PLSCR5: variants seen among roughly 807,000 people sequenced by gnomAD.
PLSCR5 encodes phospholipid scramblase family, member 5.
PLSCR5 carries 44 observed loss-of-function variants against 33.6 expected under a neutral mutation model. The observed-to-expected ratio is 1.31, with a 90% CI of 1.03 to 1.69. The LOEUF is 1.69. Among genes scored for constraint, PLSCR5 ranks in the 40% most tolerant of loss-of-function variants. The pLI is 0.00. For synonymous variants in PLSCR5, 148 were observed against 112.3 expected, an observed-to-expected ratio of 1.32 and a Z score of -2.01; for missense variants, 375 against 318.7, an observed-to-expected ratio of 1.18 and a Z score of -1.34.
At chr3:146,600,221 C>G (rs1162341794) in intron 2 of PLSCR5, 67 bp downstream of exon 2, 3 of 1,180,536 alleles carry the variant, frequency 2.5e-6, no homozygotes, top group African/African-American at 3.2e-5. Context: ...GATTGAAAAG[C>G]CAGAAAGAAA....
downstream of PLSCR5, among the ~76,000 whole-genome samples, chr3:146,583,280 C>T (rs140768134): frequency 0.012 from 1,804 of 152,222 alleles, 33 homozygotes; most frequent in African/African-American, 0.041. Context: ...AGAGAAGGGT[C>T]TACTTATTGG....
intron 7 of PLSCR5, among the ~76,000 whole-genome samples, chr3:146,580,038 GTTAT>G (rs1296311648): frequency 1.3e-5 from 2 of 152,170 alleles, no homozygotes; most frequent in Non-Finnish European, 2.9e-5. Flanking sequence ...CAACTCATGC[GTTAT>G]TTGTTAGCTA....
intron 7 of PLSCR5, among the ~76,000 whole-genome samples, chr3:146,576,959 G>A (rs1390036081): frequency 6.6e-6 from 1 of 151,846 alleles, no homozygotes; most frequent in Non-Finnish European, 1.5e-5. Context: ...AATTGTTTAT[G>A]ACACTGGTTG....
At chr3:146,580,462 T>G (rs1440309435) in intron 7 of PLSCR5, among the ~76,000 whole-genome samples, 1 of 123,960 alleles carries the variant, frequency 8.1e-6, no homozygotes, top group Admixed American at 7.8e-5. Context: ...TGCTTTTTTT[T>G]TTTTTTTTTT....
At chr3:146,595,115 G>T in intron 2 of PLSCR5, 32 bp from the exon 3 acceptor site, 2 of 1,299,480 alleles carry the variant, frequency 1.5e-6, no homozygotes, top group South Asian at 4.3e-5. Flanking sequence ...GAAATAAAAA[G>T]TATTAACATC....
chr3:146,594,903 C>A (rs1364690777), intron 3 of PLSCR5, 138 bp downstream of exon 3: 4 of 412,994 alleles, frequency 9.7e-6, no homozygotes, highest in Non-Finnish European at 1.7e-5. Context: ...GAAAAAAGAC[C>A]TAGTACTCTT....
At chr3:146,597,525 A>G (rs2044771451) in intron 2 of PLSCR5, among the ~76,000 whole-genome samples, 1 of 152,096 alleles carries the variant, frequency 6.6e-6, no homozygotes, top group Non-Finnish European at 1.5e-5. Context: ...TACCCTCCCC[A>G]TCCTCTGTAA....
In PLSCR5 at chr3:146,605,209, C is replaced by A. The variant is rs1475865385; in HGVS notation, c.4G>T (p.Ala2Ser). The change falls in exon 1 of 8, where the codon GCC (alanine) becomes TCC (serine). Residue 2 changes from alanine to serine, a missense_variant. Transcript: ENST00000443512. ...TTATATTTACTCTTACCTTTAGAGGCCATGAAGATGTCTGAGTCACTTCTT... is the reference window on the plus strand; with the variant it reads ...TTATATTTACTCTTACCTTTAGAGGACATGAAGATGTCTGAGTCACTTCTT... M[A>S]SKDAQNQRRG... 6.2e-7 allele frequency: 1 copy of A among 1,610,964 alleles called. No homozygotes were observed. Among genetic ancestry groups the A allele is most frequent in the Non-Finnish European group, 8.5e-7 (1 of 1,177,980 alleles).
intron 6 of PLSCR5, among the ~76,000 whole-genome samples, chr3:146,588,487 A>T (rs953993110): frequency 2.6e-5 from 4 of 152,070 alleles, no homozygotes; most frequent in African/African-American, 9.7e-5. Flanking sequence ...TAGAACAAAA[A>T]ATAAAACAAA....
intron 4 of PLSCR5, 117 bp from the exon 5 acceptor site, chr3:146,591,998 C>A: frequency 2.2e-6 from 2 of 924,448 alleles, no homozygotes; most frequent in South Asian, 4.3e-5. Context: ...TGATATTCTA[C>A]AAATCATTCT....
At chr3:146,593,846 C>T in intron 4 of PLSCR5, 74 bp downstream of exon 4, 1 of 1,398,202 alleles carries the variant, frequency 7.2e-7, no homozygotes, top group Non-Finnish European at 1.0e-6. Context: ...CCTCATTGCT[C>T]CAGATGAATT....
chr3:146,587,275 C>T (rs181401825), intron 6 of PLSCR5, among the ~76,000 whole-genome samples: 40 of 152,222 alleles, frequency 2.6e-4, no homozygotes, highest in Middle Eastern at 6.8e-3. Context: ...TACATCTCAT[C>T]AATCTCTCAA....
chr3:146,604,648 G>A (rs2044848824), intron 1 of PLSCR5, among the ~76,000 whole-genome samples: 1 of 152,000 alleles, frequency 6.6e-6, no homozygotes, highest in Admixed American at 6.6e-5. Context: ...TAACTGGATT[G>A]TCTGTAACTC....
At chr3:146,586,501 G>A (rs765855912) in intron 6 of PLSCR5, among the ~76,000 whole-genome samples, 1 of 152,180 alleles carries the variant, frequency 6.6e-6, no homozygotes, top group Admixed American at 6.5e-5. Context: ...ACTTTTGGGT[G>A]ATAAACCCTT....
intron 7 of PLSCR5, among the ~76,000 whole-genome samples, chr3:146,579,883 C>CT (rs1434855303): frequency 1.3e-5 from 2 of 152,170 alleles, no homozygotes; most frequent in Non-Finnish European, 2.9e-5. Context: ...ACATTCTGAT[C>CT]TTATGCAACC....
rs910662983 is a variant in PLSCR5, at chr3:146,589,675, A to T, written c.755T>A (p.Met252Lys). ...ADLDVTVKAA[M>K]IGACFLFDFM... ...TACAAAGAGAAAACAGGCACCGATCATTGCTGCTTTGACTGTTACATCTAG... is the reference window on the plus strand; with the variant it reads ...TACAAAGAGAAAACAGGCACCGATCTTTGCTGCTTTGACTGTTACATCTAG... The change falls in exon 6 of 8, where the codon ATG becomes AAG. Residue 252 changes from methionine (M) to lysine (K), a missense_variant. By Grantham distance (95) the Met-to-Lys change is moderately conservative. Transcript: ENST00000443512. 2 of 1,593,178 alleles carry T rather than the reference A, an allele frequency of 1.3e-6. No individual in the cohort carries two copies. Among genetic ancestry groups the T allele is most frequent in the Non-Finnish European group, 1.7e-6 (2 of 1,166,568 alleles).
Position 146,589,633 on chromosome 3 carries a change from C to A in PLSCR5, c.777+20G>T. 1.3e-6 allele frequency: 2 copies of A among 1,520,462 alleles called. No homozygotes were observed. Among genetic ancestry groups the A allele is most frequent in the South Asian group, 2.5e-5 (2 of 80,316 alleles). 94.2% of individuals were successfully genotyped at this position (1,520,462 alleles called of 1,614,324 possible). A position where few individuals can be genotyped will look rare whatever the true frequency, so the allele number is the denominator to read the frequency against. Reference sequence around the variant, plus strand: ...GAGGGAGAATAACAAATCACTCATGCTCTCAAAGCCCATACTTACAAAGAG... The same window carrying A: ...GAGGGAGAATAACAAATCACTCATGATCTCAAAGCCCATACTTACAAAGAG... On this transcript the variant is annotated intron_variant, in intron 6 of 7. Coordinates refer to ENST00000443512, the MANE Select transcript of PLSCR5 (RefSeq NM_001085420.2).
intron 2 of PLSCR5, among the ~76,000 whole-genome samples, 169 bp from the exon 3 acceptor site, chr3:146,595,252 A>AT (rs1465043917): frequency 8.0e-5 from 12 of 150,546 alleles, no homozygotes; most frequent in African/African-American, 2.8e-4. Flanking sequence ...AAAAGAACGT[A>AT]ATTTTTTTTT....
At chr3:146,602,107 T>C (rs2044821542) in intron 1 of PLSCR5, among the ~76,000 whole-genome samples, 1 of 152,106 alleles carries the variant, frequency 6.6e-6, no homozygotes, top group Non-Finnish European at 1.5e-5. Context: ...GATAATACTA[T>C]AGCAGTTTGG....
Sources: gnomAD v4.1 joint callset for allele counts (sites outside exome capture counted in the v4.1 genomes callset) on GRCh38, gnomAD v4.1.1 for gene constraint, MANE v1.5 for transcripts, NCBI Gene and HGNC (gene_info 2026-07-23, HGNC 2026-07-21) for gene names.